PLCXD3: variants seen among roughly 807,000 people sequenced by gnomAD.
PLCXD3 encodes the protein phosphatidylinositol specific phospholipase C X domain containing 3, also known as PI-PLC X domain-containing protein 3.
In PLCXD3, 19 loss-of-function variants were observed where a neutral mutation model predicts 25.5. The observed-to-expected ratio is 0.75, with a 90% CI of 0.52 to 1.09. PLCXD3 has a LOEUF of 1.09. PLCXD3 is among the 50% of genes least tolerant of loss of function. PLCXD3 has a pLI of 0.00. For synonymous variants in PLCXD3, 174 were observed against 137.6 expected (o/e 1.26, Z -1.85); for missense variants, 411 against 388.1 (o/e 1.06, Z -0.50).
At chr5:41,338,817 G>A (rs1041819257) in intron 2 of PLCXD3, among the ~76,000 whole-genome samples, 1 of 151,880 alleles carries the variant, frequency 6.6e-6, no homozygotes, top group East Asian at 1.9e-4. Flanking sequence ...TCAGCTTGGA[G>A]CCCTCTTATT....
At chr5:41,464,194 C>G (rs1463037915) in intron 1 of PLCXD3, among the ~76,000 whole-genome samples, 1 of 151,986 alleles carries the variant, frequency 6.6e-6, no homozygotes, top group Admixed American at 6.6e-5. Flanking sequence ...ATCTGAAGAG[C>G]TCTGTAATCT....
At chr5:41,313,835 C>A (rs766828802) in intron 2 of PLCXD3, 65 bp from the exon 3 acceptor site, 3 of 1,476,852 alleles carry the variant, frequency 2.0e-6, no homozygotes, top group Middle Eastern at 1.8e-4. Context: ...CTCTACAATT[C>A]TCAGTCTTCC....
At chr5:41,365,833 TG>T (rs777414892) in intron 2 of PLCXD3, among the ~76,000 whole-genome samples, 10 of 152,200 alleles carry the variant, frequency 6.6e-5, no homozygotes, top group Non-Finnish European at 1.2e-4. Flanking sequence ...TCTACTCACT[TG>T]AAATATCTCA....
intron 2 of PLCXD3, among the ~76,000 whole-genome samples, chr5:41,364,090 T>A (rs1744869168): frequency 6.6e-6 from 1 of 151,846 alleles, no homozygotes; most frequent in African/African-American, 2.4e-5. Flanking sequence ...GGGGTGGGCA[T>A]GGGGGGAGGG....
At chr5:41,411,537 T>C (rs1023968920) in intron 1 of PLCXD3, among the ~76,000 whole-genome samples, 3 of 152,078 alleles carry the variant, frequency 2.0e-5, no homozygotes, top group Admixed American at 6.6e-5. Context: ...GCTGGGATAA[T>C]AAGAAATGTT....
intron 1 of PLCXD3, among the ~76,000 whole-genome samples, chr5:41,403,404 T>TGTTTTGTTTTTG (rs1561262428): frequency 5.8e-5 from 2 of 34,602 alleles, no homozygotes; most frequent in Non-Finnish European, 1.5e-4. Context: ...ATTTGTTGTT[T>TGTTTTGTTTTTG]TTTTTTTTTT....
Position 41,440,249 on chromosome 5 carries a change from T to TTTTTTTTTTTTTTTTTTTTTTTTTG in PLCXD3, c.104-57716_104-57715insCAAAAAAAAAAAAAAAAAAAAAAAA, listed in dbSNP as rs751131624. ...TTTTTTTTTTTTTTTTTTTTTTTTT[T>TTTTTTTTTTTTTTTTTTTTTTTTTG]TTAGTCAGAGTCTCACTGTGTCACC... On this transcript the variant is annotated intron_variant, in intron 1 of 2. Coordinates refer to ENST00000377801, the MANE Select transcript of PLCXD3 (RefSeq NM_001005473.3). Among the ~76,000 whole-genome samples the TTTTTTTTTTTTTTTTTTTTTTTTTG allele has an allele frequency of 4.5e-4, 45 of 100,390 alleles. 8 individuals are homozygous for TTTTTTTTTTTTTTTTTTTTTTTTTG. The highest frequency in any genetic ancestry group is 6.7e-4 in the Non-Finnish European group (33 of 49,616). 65.9% of individuals were successfully genotyped at this position (100,390 alleles called of 152,430 possible).
At chr5:41,400,992 T>G (rs1051849431) in intron 1 of PLCXD3, among the ~76,000 whole-genome samples, 1 of 73,792 alleles carries the variant, frequency 1.4e-5, no homozygotes, top group Non-Finnish European at 2.7e-5. Flanking sequence ...CACATGAAAA[T>G]TTTAAAAAGC....
At chr5:41,482,895 A>G (rs1748443279) in intron 1 of PLCXD3, among the ~76,000 whole-genome samples, 2 of 152,204 alleles carry the variant, frequency 1.3e-5, no homozygotes, top group African/African-American at 4.8e-5. Flanking sequence ...TTCATCTTGT[A>G]AAACTGAAAC....
chr5:41,459,529 C>T (rs980056455), intron 1 of PLCXD3, among the ~76,000 whole-genome samples: 1 of 151,812 alleles, frequency 6.6e-6, no homozygotes, highest in Non-Finnish European at 1.5e-5. Flanking sequence ...GTCAAACTAG[C>T]ATCACACTGC....
intron 1 of PLCXD3, among the ~76,000 whole-genome samples, chr5:41,403,394 A>ATTTTTTTTTTTTTTTTTTTTTTTTGTT (rs1554047940): frequency 3.2e-4 from 5 of 15,712 alleles, no homozygotes; most frequent in Non-Finnish European, 5.1e-4. Context: ...AGATTGACTT[A>ATTTTTTTTTTTTTTTTTTTTTTTTGTT]TTTGTTGTTT....
Position 41,399,013 on chromosome 5 carries a change from T to C in PLCXD3, c.104-16479A>G, listed in dbSNP as rs182314623. Among the ~76,000 whole-genome samples, 42 of 151,964 alleles carry C rather than the reference T, an allele frequency of 2.8e-4. No individual in the cohort carries two copies. In the East Asian group the frequency reaches 7.7e-3, roughly 28 times the overall value. On this transcript the variant is annotated intron_variant, in intron 1 of 2. Coordinates refer to ENST00000377801, the MANE Select transcript of PLCXD3 (RefSeq NM_001005473.3). The stretch of plus-strand genomic sequence containing the variant: ...ACAAATTTAGTAAAGTTGCAGGATA[T>C]AAAATCAACATACAAAAAAAAAGTA...
chr5:41,394,654 C>T (rs571946184), intron 1 of PLCXD3, among the ~76,000 whole-genome samples: 2 of 152,014 alleles, frequency 1.3e-5, no homozygotes, highest in Admixed American at 6.6e-5. Flanking sequence ...AAAAAAAGAA[C>T]AGGAATAGCT....
chr5:41,506,205 A>G (rs1749048823), intron 1 of PLCXD3, among the ~76,000 whole-genome samples: 1 of 152,234 alleles, frequency 6.6e-6, no homozygotes, highest in African/African-American at 2.4e-5. Context: ...AGAATGTGGG[A>G]AAAGCATATG....
intron 2 of PLCXD3, among the ~76,000 whole-genome samples, chr5:41,333,014 C>G (rs1234447108): frequency 6.6e-6 from 1 of 152,056 alleles, no homozygotes; most frequent in Non-Finnish European, 1.5e-5. Flanking sequence ...TTAACGGGTG[C>G]AGCACACCAG....
intron 1 of PLCXD3, among the ~76,000 whole-genome samples, chr5:41,402,879 CTTAT>C (rs1746228173): frequency 6.6e-6 from 1 of 151,802 alleles, no homozygotes; most frequent in African/African-American, 2.4e-5. Context: ...TTACTTTTAA[CTTAT>C]TTGTGTTTAG....
At chr5:41,399,731 T>C (rs1389057905) in intron 1 of PLCXD3, among the ~76,000 whole-genome samples, 3 of 152,108 alleles carry the variant, frequency 2.0e-5, no homozygotes, top group Non-Finnish European at 4.4e-5. Context: ...GACCTAAAAC[T>C]ATGAGACTAC....
chr5:41,319,846 A>G (rs1377842218), intron 2 of PLCXD3, among the ~76,000 whole-genome samples: 1 of 152,176 alleles, frequency 6.6e-6, no homozygotes, highest in Non-Finnish European at 1.5e-5. Context: ...GTTAAGCACA[A>G]TGGACAAACC....
intron 2 of PLCXD3, among the ~76,000 whole-genome samples, chr5:41,341,636 T>A (rs1443719486): frequency 6.6e-6 from 1 of 152,162 alleles, no homozygotes; most frequent in African/African-American, 2.4e-5. Flanking sequence ...CAATATTACC[T>A]CTTGTAGCTA....
Sources: allele counts gnomAD v4.1 joint callset (sites outside exome capture counted in the v4.1 genomes callset), GRCh38; gene constraint gnomAD v4.1.1; transcripts MANE v1.5; gene names NCBI Gene and HGNC (gene_info 2026-07-23, HGNC 2026-07-21).